Variants in MINDY3 observed in about 807,000 individuals in gnomAD.
The protein encoded by MINDY3 is MINDY lysine 48 deubiquitinase 3.
MINDY3 carries 38 observed loss-of-function variants against 69.2 expected under a neutral mutation model. That is an observed-to-expected ratio of 0.55 (90% confidence interval 0.42 to 0.72). The LOEUF (loss-of-function observed/expected upper bound fraction) is 0.72. Ranked by LOEUF, MINDY3 falls within the 30% of genes least tolerant of loss-of-function variation. The probability of loss-of-function intolerance (pLI) is 0.00; values close to 1 mark genes in which losing one functional copy is unlikely to be tolerated. For missense variants in MINDY3, 522 were observed against 519.0 expected (o/e 1.01, Z -0.06); for synonymous variants, 192 against 180.1 (o/e 1.07, Z -0.53).
intron 1 of MINDY3, among the ~76,000 whole-genome samples, chr10:15,859,132 C>T (rs1834903222): frequency 6.6e-6 from 1 of 152,174 alleles, no homozygotes; most frequent in Non-Finnish European, 1.5e-5. Context: ...AATATCCCAA[C>T]TTAACAATAC....
chr10:15,826,535 C>T (rs1653549951), intron 8 of MINDY3, among the ~76,000 whole-genome samples: 1 of 152,114 alleles, frequency 6.6e-6, no homozygotes, highest in Non-Finnish European at 1.5e-5. Flanking sequence ...TGTAACCAAT[C>T]CAAATCTTCA....
chr10:15,809,992 A>G (rs946203377), intron 10 of MINDY3, among the ~76,000 whole-genome samples: 1 of 152,140 alleles, frequency 6.6e-6, no homozygotes, highest in Non-Finnish European at 1.5e-5. Context: ...CATTTTTACA[A>G]CCTCTTCATA....
At chr10:15,780,993 T>C (rs764302659) in intron 14 of MINDY3, among the ~76,000 whole-genome samples, 26 of 152,174 alleles carry the variant, frequency 1.7e-4, no homozygotes, top group Non-Finnish European at 2.9e-4. Context: ...ATATTTGACC[T>C]ATCTTGCAGG....
intron 10 of MINDY3, among the ~76,000 whole-genome samples, chr10:15,802,208 C>T (rs1187078619): frequency 6.6e-6 from 1 of 151,940 alleles, no homozygotes; most frequent in Admixed American, 6.6e-5. Context: ...CACCCCAACT[C>T]CCATGTTACT....
Position 15,811,941 on chromosome 10 carries a change from T to A in MINDY3, c.882+4894A>T, listed in dbSNP as rs188257613. ...TAATTTTTCATTTTTTAAATTTTTT[T>A]ATTATTTTTATTTTTTTTGAGATGG... On this transcript the variant is annotated intron_variant, in intron 10 of 14. Transcript: ENST00000277632. 2.9e-4 allele frequency among the ~76,000 whole-genome samples: 44 copies of A among 152,216 alleles called. No individual in the cohort carries two copies. In the East Asian group the frequency reaches 7.3e-3, roughly 25 times the overall value.
chr10:15,859,077 T>C (rs1834899237), intron 1 of MINDY3, among the ~76,000 whole-genome samples: 1 of 152,172 alleles, frequency 6.6e-6, no homozygotes, highest in African/African-American at 2.4e-5. Flanking sequence ...GTCATTTACC[T>C]TTACAACTAA....
At chr10:15,807,101 A>G (rs1838688974) in intron 10 of MINDY3, among the ~76,000 whole-genome samples, 1 of 152,132 alleles carries the variant, frequency 6.6e-6, no homozygotes, top group Non-Finnish European at 1.5e-5. Flanking sequence ...CACGCAGCTC[A>G]CAGGGTTGGT....
chr10:15,819,071 TGA>T (rs1004152086), intron 9 of MINDY3, among the ~76,000 whole-genome samples: 1 of 152,156 alleles, frequency 6.6e-6, no homozygotes, highest in Non-Finnish European at 1.5e-5. Flanking sequence ...ACGTGTGTGT[TGA>T]GAGGGAGAGT....
At chr10:15,812,488 C>T (rs1306528365) in intron 10 of MINDY3, among the ~76,000 whole-genome samples, 3 of 152,048 alleles carry the variant, frequency 2.0e-5, no homozygotes, top group East Asian at 1.9e-4. Flanking sequence ...TTTTTAATTC[C>T]TCTATGGACT....
chr10:15,780,763 T>C (rs1204353719), intron 14 of MINDY3, among the ~76,000 whole-genome samples: 1 of 152,212 alleles, frequency 6.6e-6, no homozygotes, highest in Non-Finnish European at 1.5e-5. Flanking sequence ...CAGTTCATCC[T>C]ATTTGTTTTC....
chr10:15,846,152 A>G (rs1446300410), intron 2 of MINDY3, among the ~76,000 whole-genome samples: 8 of 152,112 alleles, frequency 5.3e-5, no homozygotes, highest in Non-Finnish European at 7.4e-5. Context: ...ACTACCTCAA[A>G]GGTATAGAAA....
chr10:15,807,029 T>A (rs1217182579), intron 10 of MINDY3, among the ~76,000 whole-genome samples: 1 of 152,142 alleles, frequency 6.6e-6, no homozygotes, highest in South Asian at 2.1e-4. Context: ...CTCACTAGTA[T>A]CTAACTTTGG....
Position 15,778,999 on chromosome 10 carries a change from A to T in MINDY3, c.1331T>A (p.Leu444Gln), listed in dbSNP as rs994066517. 6.2e-7 allele frequency: 1 copy of T among 1,612,552 alleles called. No individual in the cohort carries two copies. Among genetic ancestry groups the T allele is most frequent in the African/African-American group, 1.3e-5 (1 of 74,864 alleles). The part of the protein sequence containing the change: ...LLWTTDRSPS[L>Q]N ...TATAAATACTTAGACAAATTAATTT[A>T]GTGAAGGAGAGCGATCTGTGGTCCA... The change falls in exon 15 of 15, where the codon CTA (leucine) becomes CAA (glutamine). Residue 444 changes from leucine to glutamine, a missense_variant. Transcript: ENST00000277632.
intron 9 of MINDY3, 134 bp from the exon 10 acceptor site, chr10:15,817,049 T>G (rs111556207): frequency 6.8e-5 from 46 of 671,752 alleles, no homozygotes; most frequent in Middle Eastern, 8.1e-4. Context: ...GCCCGAGCAC[T>G]TCACCCATAG....
rs1333636889 is a variant in MINDY3, at chr10:15,782,246, A to G, written c.1117-20T>C. 2 of 1,490,554 alleles carry G rather than the reference A, an allele frequency of 1.3e-6. No individual in the cohort carries two copies. The highest frequency in any genetic ancestry group is 1.4e-5 in the African/African-American group (1 of 71,388). The allele number at this position is 1,490,554 out of a possible 1,614,324, so 92.3% of individuals were successfully genotyped here. A position where few individuals can be genotyped will look rare whatever the true frequency, so the allele number is the denominator to read the frequency against. ...GGAGCCCTATTATAAATAAAGGACT[A>G]TTAACACTTTAAATTATATTTATAT... On this transcript the variant is annotated intron_variant, in intron 13 of 14. Transcript: ENST00000277632.
intron 11 of MINDY3, among the ~76,000 whole-genome samples, chr10:15,795,799 G>A (rs1251387166): frequency 6.6e-6 from 1 of 151,912 alleles, no homozygotes; most frequent in African/African-American, 2.4e-5. Context: ...AGAAGAAAAT[G>A]ATTTACTTTT....
At chr10:15,836,999 T>A (rs1833128606) in intron 6 of MINDY3, among the ~76,000 whole-genome samples, 1 of 152,096 alleles carries the variant, frequency 6.6e-6, no homozygotes, top group East Asian at 1.9e-4. Flanking sequence ...TTATTGATAA[T>A]CTCTGTAGTC....
intron 10 of MINDY3, 55 bp downstream of exon 10, chr10:15,816,780 T>C (rs1399740921): frequency 4.2e-6 from 5 of 1,189,794 alleles, no homozygotes; most frequent in East Asian, 2.3e-5. Context: ...TATGAACTTA[T>C]AATACTTGTT....
chr10:15,792,138 G>A (rs1390410636), intron 11 of MINDY3, among the ~76,000 whole-genome samples: 1 of 152,022 alleles, frequency 6.6e-6, no homozygotes, highest in African/African-American at 2.4e-5. Context: ...TAAAGCCTTA[G>A]TATTTATTAA....
Sources: allele counts gnomAD v4.1 joint callset (sites outside exome capture counted in the v4.1 genomes callset), GRCh38; gene constraint gnomAD v4.1.1; transcripts MANE v1.5; gene names NCBI Gene and HGNC (gene_info 2026-07-23, HGNC 2026-07-21).